CLYBL: variants seen among roughly 807,000 people sequenced by gnomAD.
The protein encoded by CLYBL is citramalyl-CoA lyase, also known as citramalyl-CoA lyase, mitochondrial.
A neutral mutation model predicts 38.9 loss-of-function variants in CLYBL; 31 were observed. The observed-to-expected ratio is 0.80, with a 90% CI of 0.60 to 1.08. CLYBL has a LOEUF of 1.08. CLYBL is among the 50% of genes least tolerant of loss of function. The pLI is 0.00. For synonymous variants in CLYBL, 171 were observed against 158.6 expected (o/e 1.08, Z -0.59); for missense variants, 434 against 411.6 (o/e 1.05, Z -0.47).
chr13:99,711,103 C>T (rs534755516), intron 1 of CLYBL, among the ~76,000 whole-genome samples: 40 of 152,110 alleles, frequency 2.6e-4, no homozygotes, highest in South Asian at 4.2e-4. Context: ...GTCTTGAGCT[C>T]CTGGCCTCAA....
chr13:99,850,572 G>C (rs576242812), intron 2 of CLYBL, among the ~76,000 whole-genome samples: 1 of 152,198 alleles, frequency 6.6e-6, no homozygotes, highest in African/African-American at 2.4e-5. Flanking sequence ...GTGCATTGCC[G>C]ATGGGAAGGC....
At chr13:99,813,782 C>T (rs2050388347) in intron 2 of CLYBL, among the ~76,000 whole-genome samples, 1 of 152,164 alleles carries the variant, frequency 6.6e-6, no homozygotes, top group African/African-American at 2.4e-5. Flanking sequence ...ATAAGTGCTC[C>T]ATATGCCTTC....
intron 1 of CLYBL, chr13:99,643,008 T>G (rs1459394664): frequency 1.9e-5 from 3 of 153,852 alleles, no homozygotes; most frequent in Admixed American, 1.3e-4. Context: ...AACTGCTTGC[T>G]GGGTGAGGCC....
chr13:99,817,329 G>A (rs2050471978), intron 2 of CLYBL, among the ~76,000 whole-genome samples: 1 of 152,146 alleles, frequency 6.6e-6, no homozygotes, highest in South Asian at 2.1e-4. Context: ...GGAGAGTGGA[G>A]GAGAGGGAAA....
At chr13:99,621,247 C>A (rs1050602469) in intron 1 of CLYBL, among the ~76,000 whole-genome samples, 2 of 152,146 alleles carry the variant, frequency 1.3e-5, no homozygotes, top group African/African-American at 4.8e-5. Context: ...AAAGTCCAGG[C>A]CCCTTAGTGT....
At position 99,700,318 on chromosome 13, in the gene CLYBL, G is replaced by A. The variant is rs577476584; in HGVS notation, c.63-72506G>A. Among the ~76,000 whole-genome samples the A allele has an allele frequency of 5.3e-5, 8 of 152,216 alleles. No homozygotes were observed. The South Asian group carries it at 1.0e-3, about 20-fold the overall frequency. On this transcript the variant is annotated intron_variant, in intron 1 of 8. Coordinates refer to ENST00000339105, the MANE Select transcript of CLYBL (RefSeq NM_206808.5). Reference sequence around the variant, plus strand: ...AAATTAGGCGAGCATGGTGGCGCGCGCCTATGATCCCAGCTACTCAGGAGG... The same window carrying A: ...AAATTAGGCGAGCATGGTGGCGCGCACCTATGATCCCAGCTACTCAGGAGG...
At chr13:99,883,674 C>T (rs900673490) in intron 7 of CLYBL, among the ~76,000 whole-genome samples, 3 of 152,104 alleles carry the variant, frequency 2.0e-5, no homozygotes, top group African/African-American at 7.2e-5. Context: ...TGTCTCCTAC[C>T]ACACCCCTTA....
intron 1 of CLYBL, among the ~76,000 whole-genome samples, chr13:99,687,021 C>T (rs932411360): frequency 1.3e-5 from 2 of 152,186 alleles, no homozygotes; most frequent in Non-Finnish European, 2.9e-5. Context: ...CTCCAAGGGT[C>T]ACTTGCAGAG....
At chr13:99,862,668 G>T (rs1019089772) in intron 3 of CLYBL, among the ~76,000 whole-genome samples, 1 of 152,182 alleles carries the variant, frequency 6.6e-6, no homozygotes, top group African/African-American at 2.4e-5. Context: ...TTAACGAAGC[G>T]AGGGCAAGAG....
At chr13:99,878,028 T>C (rs2052095936) in intron 7 of CLYBL, among the ~76,000 whole-genome samples, 1 of 152,200 alleles carries the variant, frequency 6.6e-6, no homozygotes, top group Admixed American at 6.5e-5. Context: ...GAATTCTCTC[T>C]ACCGTAGCAC....
intron 7 of CLYBL, among the ~76,000 whole-genome samples, chr13:99,881,119 G>A (rs1214242326): frequency 1.3e-5 from 2 of 152,048 alleles, no homozygotes; most frequent in Non-Finnish European, 2.9e-5. Context: ...TTATTTAAAG[G>A]GCTTCTCCAT....
chr13:99,905,262 T>A (rs2052684472), intron 8 of CLYBL, among the ~76,000 whole-genome samples: 1 of 152,200 alleles, frequency 6.6e-6, no homozygotes, highest in Non-Finnish European at 1.5e-5. Flanking sequence ...TCTTTTTTTT[T>A]AATAAAGGGA....
chr13:99,687,404 C>T (rs1157070666), intron 1 of CLYBL, among the ~76,000 whole-genome samples: 3 of 152,166 alleles, frequency 2.0e-5, no homozygotes, highest in Non-Finnish European at 4.4e-5. Context: ...TTGTAAAGAG[C>T]TTGTGAATCT....
At chr13:99,731,501 A>G (rs1340506119) in intron 1 of CLYBL, among the ~76,000 whole-genome samples, 6 of 82,484 alleles carry the variant, frequency 7.3e-5, no homozygotes, top group Non-Finnish European at 1.3e-4. Flanking sequence ...AGCTGCTTAT[A>G]TTAAAAAAAA....
intron 1 of CLYBL, among the ~76,000 whole-genome samples, chr13:99,626,494 T>G (rs2046871392): frequency 6.6e-6 from 1 of 152,214 alleles, no homozygotes; most frequent in Non-Finnish European, 1.5e-5. Flanking sequence ...TAAGTGTTAG[T>G]CCCATGTCAT....
At chr13:99,808,228 G>A (rs755587795) in intron 2 of CLYBL, among the ~76,000 whole-genome samples, 24 of 152,152 alleles carry the variant, frequency 1.6e-4, no homozygotes, top group Non-Finnish European at 3.4e-4. Context: ...TGGGACCACA[G>A]GCCCACACCC....
At chr13:99,641,376 A>G (rs1339921755) in intron 1 of CLYBL, among the ~76,000 whole-genome samples, 3 of 152,192 alleles carry the variant, frequency 2.0e-5, no homozygotes, top group African/African-American at 7.2e-5. Flanking sequence ...TTTCTTAAAA[A>G]TAGTACAACA....
chr13:99,819,507 A>C (rs1365109477), intron 2 of CLYBL, among the ~76,000 whole-genome samples: 1 of 142,360 alleles, frequency 7.0e-6, no homozygotes, highest in Non-Finnish European at 1.5e-5. Flanking sequence ...AACCAATAGG[A>C]TATATATAGA....
chr13:99,746,628 C>G (rs1319216400), intron 1 of CLYBL, among the ~76,000 whole-genome samples: 1 of 152,132 alleles, frequency 6.6e-6, no homozygotes, highest in Non-Finnish European at 1.5e-5. Context: ...CTTCTTTGTT[C>G]CTTACACACA....
Sources: gnomAD v4.1 joint callset for allele counts (sites outside exome capture counted in the v4.1 genomes callset) on GRCh38, gnomAD v4.1.1 for gene constraint, MANE v1.5 for transcripts, NCBI Gene and HGNC (gene_info 2026-07-23, HGNC 2026-07-21) for gene names.